GIGYF2: variants seen among roughly 807,000 people sequenced by gnomAD.
GIGYF2 encodes the protein GRB10 interacting GYF protein 2.
Under a neutral mutation model 208.1 loss-of-function variants are expected in GIGYF2, and 25 were observed. The observed-to-expected ratio is 0.12, with a 90% CI of 0.09 to 0.17. GIGYF2 has a LOEUF of 0.17. Among genes scored for constraint, GIGYF2 ranks in the 10% least tolerant of loss-of-function variants. GIGYF2 has a pLI of 1.00. For synonymous variants in GIGYF2, 534 were observed against 543.8 expected, an observed-to-expected ratio of 0.98 and a Z score of 0.25; for missense variants, 1,302 against 1,579.4, an observed-to-expected ratio of 0.82 and a Z score of 2.98.
At chr2:232,723,682 G>A (rs1243933090) in intron 2 of GIGYF2, among the ~76,000 whole-genome samples, 1 of 147,496 alleles carries the variant, frequency 6.8e-6, no homozygotes, top group Admixed American at 6.9e-5. Flanking sequence ...ACCTGCTTTG[G>A]CCTCCAAAGT....
chr2:232,736,532 T>A lies in GIGYF2; in HGVS notation c.41+1294T>A, dbSNP rs1356537320. On this transcript the variant is annotated intron_variant, in intron 3 of 28. Transcript: ENST00000373563. ...ATCTTTTTTTAATCAATAAATATTT[T>A]CTGTTGTATTAAATGGTTGCATTGT... 3 of 152,220 alleles carry A rather than the reference T, an allele frequency of 2.0e-5. No individual in the cohort carries two copies. The East Asian group carries it at 5.8e-4, about 29-fold the overall frequency. The allele number at this position is 152,220 out of a possible 1,614,324, so 9.4% of individuals were successfully genotyped here. A position where few individuals can be genotyped will look rare whatever the true frequency, so the allele number is the denominator to read the frequency against.
intron 4 of GIGYF2, among the ~76,000 whole-genome samples, chr2:232,748,700 T>C (rs1354291245): frequency 6.6e-6 from 1 of 152,202 alleles, no homozygotes; most frequent in Non-Finnish European, 1.5e-5. Context: ...GCATTTAATG[T>C]AGAGACTTTT....
At chr2:232,790,424 C>T (rs970141494) in intron 9 of GIGYF2, among the ~76,000 whole-genome samples, 6 of 152,170 alleles carry the variant, frequency 3.9e-5, no homozygotes, top group African/African-American at 1.4e-4. Flanking sequence ...ACTTGGAATA[C>T]AGTGTCCTTT....
At chr2:232,804,560 C>T (rs1317263684) in intron 14 of GIGYF2, among the ~76,000 whole-genome samples, 6 of 151,952 alleles carry the variant, frequency 3.9e-5, no homozygotes, top group Non-Finnish European at 7.4e-5. Flanking sequence ...GGCGCGATCT[C>T]GGCTCCCTGC....
chr2:232,733,414 G>A (rs1697593692), intron 2 of GIGYF2, among the ~76,000 whole-genome samples: 1 of 152,184 alleles, frequency 6.6e-6, no homozygotes, highest in East Asian at 1.9e-4. Context: ...AGGGCTGGAA[G>A]TACCTTTCAG....
chr2:232,775,635 T>G (rs1327879489), intron 8 of GIGYF2, among the ~76,000 whole-genome samples: 1 of 151,296 alleles, frequency 6.6e-6, no homozygotes, highest in African/African-American at 2.4e-5. Flanking sequence ...GGAGGAAAAA[T>G]AGTACCTATT....
chr2:232,808,557 T>A (rs915781243), intron 15 of GIGYF2, among the ~76,000 whole-genome samples: 2 of 152,184 alleles, frequency 1.3e-5, no homozygotes, highest in African/African-American at 4.8e-5. Flanking sequence ...CCTAAGGTAG[T>A]AGCTATCCTC....
chr2:232,715,936 A>G (rs943746596), intron 2 of GIGYF2, among the ~76,000 whole-genome samples: 7 of 152,006 alleles, frequency 4.6e-5, no homozygotes, highest in Admixed American at 3.3e-4. Flanking sequence ...GGCCAGGCCT[A>G]TGCTTTTTGT....
At chr2:232,717,086 T>A (rs1418869005) in intron 2 of GIGYF2, among the ~76,000 whole-genome samples, 3 of 152,026 alleles carry the variant, frequency 2.0e-5, no homozygotes, top group Non-Finnish European at 4.4e-5. Flanking sequence ...AGTCCTGGGA[T>A]TACAGGCGTG....
Position 232,806,426 on chromosome 2 carries a change from AT to A in GIGYF2, c.1640-57del. 1.8e-5 allele frequency: 20 copies of A among 1,131,906 alleles called. No homozygotes were observed. Among genetic ancestry groups the A allele is most frequent in the South Asian group, 2.5e-5 (2 of 81,108 alleles). The allele number at this position is 1,131,906 out of a possible 1,614,324, so 70.1% of individuals were successfully genotyped here. A position where few individuals can be genotyped will look rare whatever the true frequency, so the allele number is the denominator to read the frequency against. On this transcript the variant is annotated intron_variant, in intron 14 of 28. Transcript: ENST00000373563. This position sits in a 1 kb window ranked among gnomAD's most constrained non-coding sequence, Gnocchi z 4.0. The stretch of plus-strand genomic sequence containing the variant: ...TCGATGAGAATCAGATGCAGGAAAT[AT>A]TTTTTTTCTCTTTGAGTCTGAAAGG...
At chr2:232,844,288 G>A (rs1701926008) in intron 24 of GIGYF2, 33 bp downstream of exon 24, 1 of 1,610,536 alleles carries the variant, frequency 6.2e-7, no homozygotes, top group South Asian at 1.1e-5. Context: ...TCGTTGTATG[G>A]ACTAGTATTA....
Position 232,812,453 on chromosome 2 carries a change from C to A in GIGYF2, c.2069C>A (p.Ser690Tyr). The A allele has an allele frequency of 6.5e-7, 1 of 1,548,340 alleles. No individual in the cohort carries two copies. Among genetic ancestry groups the A allele is most frequent in the Non-Finnish European group, 8.9e-7 (1 of 1,120,680 alleles). ...TRSVSVPDTGSIWELQPTASQ... is the reference protein window; with the variant it reads ...TRSVSVPDTGYIWELQPTASQ... ...TCTGTGTCCGTGCCAGATACTGGCT[C>A]TATCTGGGAGCTTCAGCCAACAGCT... The change falls in exon 18 of 29, where the codon TCT (serine) becomes TAT (tyrosine). Residue 690 changes from serine (S) to tyrosine (Y), a missense_variant. By Grantham distance (144) the Ser-to-Tyr change is moderately radical. This residue lies in a region of GIGYF2 where 701 missense variants were observed against 793.0 expected (regional missense o/e 0.88). Transcript: ENST00000373563.
intron 15 of GIGYF2, among the ~76,000 whole-genome samples, chr2:232,809,442 A>G (rs1339830261): frequency 6.6e-6 from 1 of 152,208 alleles, no homozygotes; most frequent in Non-Finnish European, 1.5e-5. Context: ...ACAGTTGAAC[A>G]TTCAGCTTTA....
intron 22 of GIGYF2, among the ~76,000 whole-genome samples, chr2:232,837,382 T>TAAG (rs1559161617): frequency 2.1e-4 from 32 of 152,236 alleles, no homozygotes; most frequent in South Asian, 4.1e-4. Flanking sequence ...CTTGCTGTTC[T>TAAG]TACTGAGTTT....
chr2:232,825,550 A>G (rs2344614), intron 21 of GIGYF2, among the ~76,000 whole-genome samples: 14,473 of 152,190 alleles, frequency 0.095, 959 homozygotes, highest in African/African-American at 0.17. Flanking sequence ...ATGTGTCAGC[A>G]GTTGCTTCTT....
At chr2:232,811,148 C>T in intron 16 of GIGYF2, 96 bp from the exon 17 acceptor site, 1 of 724,836 alleles carries the variant, frequency 1.4e-6, no homozygotes, top group Non-Finnish European at 2.5e-6. Flanking sequence ...ATAATGTCTC[C>T]TGGGGGGCTT....
At position 232,815,788 on chromosome 2, in the gene GIGYF2, A is replaced by G. The variant is rs923205495; in HGVS notation, c.2208+51A>G. Reference sequence around the variant, plus strand: ...GTGCATTGTCATCTGGCTGCAGGACATAAACATTGCTGTTTATTCATCTCT... The same window carrying G: ...GTGCATTGTCATCTGGCTGCAGGACGTAAACATTGCTGTTTATTCATCTCT... On this transcript the variant is annotated intron_variant, in intron 19 of 28. Transcript: ENST00000373563. The G allele has an allele frequency of 4.3e-6, 4 of 929,888 alleles. No individual in the cohort carries two copies. In the African/African-American group the frequency reaches 4.8e-5, roughly 11 times the overall value. The allele number at this position is 929,888 out of a possible 1,614,324, so 57.6% of individuals were successfully genotyped here.
chr2:232,847,069 G>T (rs569760868), intron 26 of GIGYF2, among the ~76,000 whole-genome samples: 1 of 152,290 alleles, frequency 6.6e-6, no homozygotes, highest in East Asian at 1.9e-4. Flanking sequence ...AGGAAAGAAT[G>T]AATCCCCAAA....
At chr2:232,722,062 G>A (rs963458192) in intron 2 of GIGYF2, among the ~76,000 whole-genome samples, 15 of 151,896 alleles carry the variant, frequency 9.9e-5, no homozygotes, top group African/African-American at 3.4e-4. Context: ...TCCCTTTACC[G>A]TGCTGACAAA....
Sources: allele counts gnomAD v4.1 joint callset (sites outside exome capture counted in the v4.1 genomes callset), GRCh38; gene constraint gnomAD v4.1.1; regional missense constraint gnomAD v4.1.1; non-coding constraint Gnocchi (gnomAD v3.1); transcripts MANE v1.5; gene names NCBI Gene and HGNC (gene_info 2026-07-23, HGNC 2026-07-21).